IFI27L1: variants seen among roughly 807,000 people sequenced by gnomAD.
The protein encoded by IFI27L1 is interferon alpha-inducible protein 27-like protein 1.
In IFI27L1, 3 loss-of-function variants were observed where a neutral mutation model predicts 9.2. That is an observed-to-expected ratio of 0.32 (90% CI 0.15 to 0.84). The LOEUF (loss-of-function observed/expected upper bound fraction) is 0.84. IFI27L1 is among the 40% of genes least tolerant of loss of function. The probability of loss-of-function intolerance (pLI) is 0.56; values close to 1 mark genes in which losing one functional copy is unlikely to be tolerated. For missense variants in IFI27L1, 133 were observed against 134.2 expected (o/e 0.99, Z 0.05); for synonymous variants, 53 against 50.0 (o/e 1.06, Z -0.26).
intron 2 of IFI27L1, chr14:94,097,556 G>T: frequency 2.9e-6 from 2 of 696,264 alleles, no homozygotes; most frequent in South Asian, 3.0e-5. Context: ...ACTTGGGCCA[G>T]AGCAGAGGCA....
intron 1 of IFI27L1, among the ~76,000 whole-genome samples, chr14:94,087,482 A>C (rs1284274770): frequency 6.6e-6 from 1 of 152,190 alleles, no homozygotes; most frequent in East Asian, 1.9e-4. Flanking sequence ...GCTGGAGTGC[A>C]GTGGCGCATC....
In IFI27L1 at chr14:94,100,741, A is replaced by C; in HGVS notation, c.31A>C (p.Arg11=). 6.2e-7 allele frequency: 1 copy of C among 1,613,542 alleles called. No individual in the cohort carries two copies. The highest frequency in any genetic ancestry group is 8.5e-7 in the Non-Finnish European group (1 of 1,179,934). Residue 11 remains arginine, a splice_region_variant and synonymous_variant, in exon 3 of 5, where the codon AGG becomes CGG. Coordinates refer to ENST00000555523, the MANE Select transcript of IFI27L1 (RefSeq NM_206949.3). MGKESGWDSG[R]AAVAAVVGGV... ...GTTGTTGTTGTTTTTGTCTCCAGGCAGGGCTGCTGTAGCAGCTGTGGTCGG... is the reference window on the plus strand; with the variant it reads ...GTTGTTGTTGTTTTTGTCTCCAGGCCGGGCTGCTGTAGCAGCTGTGGTCGG...
intron 2 of IFI27L1, chr14:94,100,363 A>G (rs1417650793): frequency 2.0e-6 from 2 of 985,266 alleles, no homozygotes; most frequent in African/African-American, 1.7e-5. Flanking sequence ...CTTTGGTCCC[A>G]GCTGCCTAAG....
At position 94,083,380 on chromosome 14, in the gene IFI27L1, G is replaced by A. The variant is rs529420117; in HGVS notation, c.-52+1931G>A. ...GACAATGAAGGATTTAGAATATTTCGTAAACTTAGTTGATAAAGCAGTGGC... is the reference window on the plus strand; with the variant it reads ...GACAATGAAGGATTTAGAATATTTCATAAACTTAGTTGATAAAGCAGTGGC... On this transcript the variant is annotated intron_variant, in intron 1 of 4. Coordinates refer to ENST00000555523, the MANE Select transcript of IFI27L1 (RefSeq NM_206949.3). Among the ~76,000 whole-genome samples, 6 of 152,320 alleles carry A rather than the reference G, an allele frequency of 3.9e-5. No homozygotes were observed. The South Asian group carries it at 1.0e-3, about 26-fold the overall frequency.
intron 1 of IFI27L1, among the ~76,000 whole-genome samples, chr14:94,094,254 G>A (rs1454347734): frequency 6.6e-6 from 1 of 152,130 alleles, no homozygotes; most frequent in African/African-American, 2.4e-5. Flanking sequence ...AATCTGCCTC[G>A]CACTCTTTGC....
chr14:94,099,917 G>T (rs558291795), intron 2 of IFI27L1, among the ~76,000 whole-genome samples: 1 of 152,292 alleles, frequency 6.6e-6, no homozygotes, highest in Non-Finnish European at 1.5e-5. Flanking sequence ...CAGGCTACAC[G>T]TGGCTCTTGA....
rs1323169062 is a variant in IFI27L1, at chr14:94,097,393, A to G, written c.28+428A>G. ...GAGCATCTTTGTAATAGCTCTTTTCATAGGCATGTGTGCCTGAGAGCCCCT... is the reference window on the plus strand; with the variant it reads ...GAGCATCTTTGTAATAGCTCTTTTCGTAGGCATGTGTGCCTGAGAGCCCCT... On this transcript the variant is annotated intron_variant, in intron 2 of 4. Coordinates refer to ENST00000555523, the MANE Select transcript of IFI27L1 (RefSeq NM_206949.3). 1.1e-5 allele frequency: 6 copies of G among 570,548 alleles called. No individual in the cohort carries two copies. In the East Asian group the frequency reaches 1.2e-4, roughly 11 times the overall value. 35.3% of individuals were successfully genotyped at this position (570,548 alleles called of 1,614,324 possible).
At chr14:94,089,118 A>G (rs1007468826) in intron 1 of IFI27L1, 1 of 152,132 alleles carries the variant, frequency 6.6e-6, no homozygotes, top group South Asian at 2.1e-4. Context: ...GTTACTGGAT[A>G]GAGGTCCCGA....
At chr14:94,084,119 CT>C (rs1886201796) in intron 1 of IFI27L1, among the ~76,000 whole-genome samples, 1 of 151,932 alleles carries the variant, frequency 6.6e-6, no homozygotes, top group Non-Finnish European at 1.5e-5. Flanking sequence ...TAATGTTATT[CT>C]TATTTCAAAG....
At chr14:94,098,981 G>A (rs1245055600) in intron 2 of IFI27L1, among the ~76,000 whole-genome samples, 4 of 152,244 alleles carry the variant, frequency 2.6e-5, no homozygotes, top group Non-Finnish European at 5.9e-5. Context: ...TCCCTGAATG[G>A]ACAGAACTAC....
chr14:94,102,130 C>A, intron 4 of IFI27L1, 155 bp downstream of exon 4: 3 of 782,504 alleles, frequency 3.8e-6, no homozygotes, highest in Non-Finnish European at 6.3e-6. Context: ...GGAGGTGGGA[C>A]CAGGGGTGCA....
At chr14:94,096,402 G>C (rs1019859792) in intron 1 of IFI27L1, among the ~76,000 whole-genome samples, 2 of 152,148 alleles carry the variant, frequency 1.3e-5, no homozygotes, top group South Asian at 2.1e-4. Context: ...ATCTATTCAA[G>C]ACTATGCTTT....
At chr14:94,081,614 G>A (rs182946059) in intron 1 of IFI27L1, among the ~76,000 whole-genome samples, 165 bp downstream of exon 1, 3 of 152,252 alleles carry the variant, frequency 2.0e-5, no homozygotes, top group Admixed American at 6.5e-5. Context: ...GACAGAGTAG[G>A]GCGTTCCCGA....
At chr14:94,086,908 C>T in intron 1 of IFI27L1, among the ~76,000 whole-genome samples, 1 of 152,116 alleles carries the variant, frequency 6.6e-6, no homozygotes, top group Non-Finnish European at 1.5e-5. Context: ...ATTTTTGTTA[C>T]TTCCCACTTT....
Position 94,102,470 on chromosome 14 carries a change from C to G in IFI27L1, c.224-7C>G. On this transcript the variant is annotated splice_region_variant and splice_polypyrimidine_tract_variant and intron_variant, in intron 4 of 4. Coordinates refer to ENST00000555523, the MANE Select transcript of IFI27L1 (RefSeq NM_206949.3). ...GTGCCCTGTGCTCACCCTCTCTTCT[C>G]CCCCAGGGGCAGCTGGACTCTCTGT... 6.4e-7 allele frequency: 1 copy of G among 1,562,712 alleles called. No individual in the cohort carries two copies.
Position 94,102,550 on chromosome 14 carries a change from T to C in IFI27L1, c.297T>C (p.Gly99=), listed in dbSNP as rs1486161989. 1 of 1,572,440 alleles carries C rather than the reference T, an allele frequency of 6.4e-7. No individual in the cohort carries two copies. Among genetic ancestry groups the C allele is most frequent in the East Asian group, 2.4e-5 (1 of 41,774 alleles). Residue 99 remains glycine, a synonymous_variant, in exon 5 of 5, where the codon GGT becomes GGC. Coordinates refer to ENST00000555523, the MANE Select transcript of IFI27L1 (RefSeq NM_206949.3). The stretch of plus-strand genomic sequence containing the variant: ...GGACAGCTCTTGGGGCCTGGCTGGG[T>C]TCACCCCCTTCCAGCTGAACACCAC... ...FAGTALGAWL[G]SPPSS
intron 1 of IFI27L1, among the ~76,000 whole-genome samples, chr14:94,088,063 A>G (rs75416602): frequency 0.031 from 4,672 of 152,090 alleles, 113 homozygotes; most frequent in Non-Finnish European, 0.046. Flanking sequence ...TCTGCTGTGA[A>G]CCCTCAAGGA....
At position 94,093,276 on chromosome 14, in the gene IFI27L1, C is replaced by T. The variant is rs538034462; in HGVS notation, c.-51-3611C>T. Among the ~76,000 whole-genome samples, 4 of 150,772 alleles carry T rather than the reference C, an allele frequency of 2.7e-5. No homozygotes were observed. The South Asian group carries it at 8.4e-4, about 32-fold the overall frequency. On this transcript the variant is annotated intron_variant, in intron 1 of 4. Coordinates refer to ENST00000555523, the MANE Select transcript of IFI27L1 (RefSeq NM_206949.3). ...CTGCCTCCTGGGTTCACGCCATTCT[C>T]CTGCCTCAGCCTCCCGAGTAGCTGG...
chr14:94,081,650 C>A (rs1416371490), intron 1 of IFI27L1, among the ~76,000 whole-genome samples: 1 of 152,156 alleles, frequency 6.6e-6, no homozygotes, highest in Non-Finnish European at 1.5e-5. Flanking sequence ...CGCGTCCATC[C>A]TAGGTACAAT....
Sources: allele counts gnomAD v4.1 joint callset (sites outside exome capture counted in the v4.1 genomes callset), GRCh38; gene constraint gnomAD v4.1.1; transcripts MANE v1.5; gene names NCBI Gene and HGNC (gene_info 2026-07-23, HGNC 2026-07-21).